The following ARAP1 variants were observed in gnomAD, a reference collection of about 807,000 sequenced individuals.
The protein encoded by ARAP1 is ArfGAP with RhoGAP domain, ankyrin repeat and PH domain 1, also known as arf-GAP with Rho-GAP domain, ANK repeat and PH domain-containing protein 1.
A neutral mutation model predicts 172.2 loss-of-function variants in ARAP1; 76 were observed. That is an observed-to-expected ratio of 0.44 (90% CI 0.37 to 0.53). The LOEUF (loss-of-function observed/expected upper bound fraction) is 0.53, where lower values mean the gene tolerates loss of function less well. ARAP1 is among the 20% of genes least tolerant of loss of function. The pLI is 0.00. For missense variants in ARAP1, 1,686 were observed against 1,977.5 expected, an observed-to-expected ratio of 0.85 and a Z score of 2.80; for synonymous variants, 804 against 803.3, an observed-to-expected ratio of 1.00 and a Z score of -0.01.
At chr11:72,701,083 AGACCT>A (rs2135515806) in intron 16 of ARAP1, among the ~76,000 whole-genome samples, 1 of 152,306 alleles carries the variant, frequency 6.6e-6, no homozygotes, top group African/African-American at 2.4e-5. Context: ...ACTGAAACAG[AGACCT>A]GACGGAAGTG....
At chr11:72,704,902 A>C (rs1856683855) in intron 13 of ARAP1, 1 of 155,972 alleles carries the variant, frequency 6.4e-6, no homozygotes, top group Non-Finnish European at 1.4e-5. Flanking sequence ...TGCTGGAGTC[A>C]CAGCACAGAA....
rs759373725 is a variant in ARAP1, at chr11:72,697,141, C to A, written c.3008G>T (p.Arg1003Leu). The change falls in exon 22 of 35, where the codon CGG becomes CTG. Residue 1003 changes from arginine (R) to leucine (L), a missense_variant. Physicochemically the swap from Arg to Leu is moderately radical, Grantham distance 102. Coordinates refer to ENST00000393609, the MANE Select transcript of ARAP1 (RefSeq NM_001040118.3). ...RKCGQTSKTQ[R>L]LLESLRQDAR... ...ATCCTGCCGCAGGCTCTCCAGCAGCCGCTGTGTCTTCGATGTCTGCCCACA... is the reference window on the plus strand; with the variant it reads ...ATCCTGCCGCAGGCTCTCCAGCAGCAGCTGTGTCTTCGATGTCTGCCCACA... 12 of 1,605,630 alleles carry A rather than the reference C, an allele frequency of 7.5e-6. No individual in the cohort carries two copies. The highest frequency in any genetic ancestry group is 9.3e-6 in the Non-Finnish European group (11 of 1,179,890).
chr11:72,714,047 G>T, intron 4 of ARAP1, 105 bp downstream of exon 4: 1 of 1,260,944 alleles, frequency 7.9e-7, no homozygotes, highest in Non-Finnish European at 1.0e-6. Context: ...GCTGGTGGCA[G>T]GCTTGCACAG....
At chr11:72,687,234 C>A (rs534003810) in intron 33 of ARAP1, 2 of 660,154 alleles carry the variant, frequency 3.0e-6, no homozygotes, top group South Asian at 3.8e-5. Flanking sequence ...TGTGTCCTGT[C>A]TGTCCCTAGC....
Position 72,695,665 on chromosome 11 carries a change from G to T in ARAP1, c.3421-37C>A, listed in dbSNP as rs371419962. The T allele has an allele frequency of 6.2e-6, 10 of 1,613,782 alleles. No individual in the cohort carries two copies. Among genetic ancestry groups the T allele is most frequent in the Non-Finnish European group, 7.6e-6 (9 of 1,179,902 alleles). ...CGAGAGGCAGGGACAGGTGGTCACCGTCATCTGCAAGGATCACCCCTGCCC... is the reference window on the plus strand; with the variant it reads ...CGAGAGGCAGGGACAGGTGGTCACCTTCATCTGCAAGGATCACCCCTGCCC... On this transcript the variant is annotated intron_variant, in intron 24 of 34. Coordinates refer to ENST00000393609, the MANE Select transcript of ARAP1 (RefSeq NM_001040118.3). The surrounding 1 kb of genome is among the most constrained non-coding windows in gnomAD (Gnocchi z 4.4).
At chr11:72,748,649 T>G (rs561869144) in intron 1 of ARAP1, among the ~76,000 whole-genome samples, 4 of 152,302 alleles carry the variant, frequency 2.6e-5, no homozygotes, top group Admixed American at 2.6e-4. Context: ...CCCTCTGTAC[T>G]ACGGCCCAAG....
chr11:72,724,951 A>C (rs59311588), intron 3 of ARAP1, among the ~76,000 whole-genome samples: 1 of 151,984 alleles, frequency 6.6e-6, no homozygotes, highest in Non-Finnish European at 1.5e-5. Context: ...GGTACCCTGG[A>C]GCCCTGGGGT....
Position 72,712,321 on chromosome 11 carries a change from G to C in ARAP1, c.897C>G (p.Ser299Arg), listed in dbSNP as rs1857053184. 1 of 1,559,302 alleles carries C rather than the reference G, an allele frequency of 6.4e-7. No individual in the cohort carries two copies. ...TGCTGGGCAAGGACAAGCTCAGGCT[G>C]CTGGTATGCCATCCGCCACTAGCGA... ...EGVPNGGWHT[S>R]SLSLSLPSTI... is the part of the protein sequence containing the mutation. Residue 299 changes from serine to arginine, a missense_variant, in exon 7 of 35, where the codon AGC (serine) becomes AGG (arginine). This residue lies in a region of ARAP1 where 688 missense variants were observed against 856.9 expected (regional missense o/e 0.80). Coordinates refer to ENST00000393609, the MANE Select transcript of ARAP1 (RefSeq NM_001040118.3).
At chr11:72,716,396 G>A (rs550183024) in intron 3 of ARAP1, among the ~76,000 whole-genome samples, 2 of 152,170 alleles carry the variant, frequency 1.3e-5, no homozygotes, top group East Asian at 1.9e-4. Flanking sequence ...GCTGGCCTTC[G>A]GCTAGGTTTC....
At chr11:72,703,415 G>GGCGGGGGGC (rs376552849) in intron 14 of ARAP1, 2 of 145,216 alleles carry the variant, frequency 1.4e-5, no homozygotes, top group African/African-American at 2.9e-5. Flanking sequence ...AGCCGGGGGG[G>GGCGGGGGGC]GGGTGTGCTT....
In ARAP1 at chr11:72,713,253, G is replaced by C. The variant is rs1285365704; in HGVS notation, c.680-10C>G. 1 of 1,613,890 alleles carries C rather than the reference G, an allele frequency of 6.2e-7. No individual in the cohort carries two copies. Among genetic ancestry groups the C allele is most frequent in the Non-Finnish European group, 8.5e-7 (1 of 1,179,848 alleles). ...TCGTAGTCAGAGTCATCTGGTGAGA[G>C]AGGGGTTGGGGGGCCTCAGGGCAAG... On this transcript the variant is annotated splice_polypyrimidine_tract_variant and intron_variant, in intron 4 of 34. Transcript: ENST00000393609.
At chr11:72,713,305 C>T (rs951835036) in intron 4 of ARAP1, 62 bp from the exon 5 acceptor site, 2 of 1,488,854 alleles carry the variant, frequency 1.3e-6, no homozygotes, top group African/African-American at 1.4e-5. Context: ...CCTGGGGCAC[C>T]ACACTGGGCT....
intron 2 of ARAP1, among the ~76,000 whole-genome samples, chr11:72,729,474 T>A (rs1033403264): frequency 1.3e-5 from 2 of 151,948 alleles, no homozygotes; most frequent in East Asian, 3.8e-4. Context: ...GCACCTGTAA[T>A]CTCAGCTACT....
At chr11:72,731,334 G>A (rs909582676) in intron 2 of ARAP1, among the ~76,000 whole-genome samples, 5 of 152,136 alleles carry the variant, frequency 3.3e-5, no homozygotes, top group Non-Finnish European at 5.9e-5. Context: ...GGGGTCACGG[G>A]GACAGATCCC....
At chr11:72,735,248 C>T (rs1435751009) in intron 1 of ARAP1, among the ~76,000 whole-genome samples, 1 of 152,064 alleles carries the variant, frequency 6.6e-6, no homozygotes, top group East Asian at 1.9e-4. Context: ...TCCCAAAGTG[C>T]TGGGATTACA....
rs989483405 is a variant in ARAP1 at position 72,687,240 on chromosome 11, C to T, written c.4185+199G>A. ...GGCAGGGTCTGTGTCCTGTCTGTCC[C>T]TAGCATCCCTGGCTTGGGGCTGGAC... is the stretch of plus-strand genomic sequence containing the variant. On this transcript the variant is annotated intron_variant, in intron 33 of 34. Coordinates refer to ENST00000393609, the MANE Select transcript of ARAP1 (RefSeq NM_001040118.3). 47 of 681,954 alleles carry T rather than the reference C, an allele frequency of 6.9e-5. No individual in the cohort carries two copies. The African/African-American group carries it at 7.9e-4, about 12-fold the overall frequency. 42.2% of individuals were successfully genotyped at this position (681,954 alleles called of 1,614,324 possible).
At chr11:72,712,383 G>A in intron 6 of ARAP1, 44 bp from the exon 7 acceptor site, 1 of 1,541,052 alleles carries the variant, frequency 6.5e-7, no homozygotes, top group African/African-American at 1.4e-5. Flanking sequence ...GAGGAGGCAA[G>A]GAGGGGGCGG....
intron 3 of ARAP1, among the ~76,000 whole-genome samples, chr11:72,723,714 A>G (rs1287015247): frequency 6.6e-6 from 1 of 152,180 alleles, no homozygotes; most frequent in Non-Finnish European, 1.5e-5. Context: ...AGCACGTGCC[A>G]GTACACAAGC....
intron 16 of ARAP1, chr11:72,700,338 T>C (rs1439918240): frequency 2.0e-5 from 3 of 152,266 alleles, no homozygotes; most frequent in Admixed American, 6.5e-5. Context: ...TCTTTGGGAG[T>C]TGGAGGGCTT....
Sources: allele counts gnomAD v4.1 joint callset (sites outside exome capture counted in the v4.1 genomes callset), GRCh38; gene constraint gnomAD v4.1.1; regional missense constraint gnomAD v4.1.1; non-coding constraint Gnocchi (gnomAD v3.1); transcripts MANE v1.5; gene names NCBI Gene and HGNC (gene_info 2026-07-23, HGNC 2026-07-21).